Variants in RAB3GAP1 observed in about 807,000 individuals in gnomAD.
The protein encoded by RAB3GAP1 is RAB3 GTPase activating protein catalytic subunit 1, also known as rab3 GTPase-activating protein catalytic subunit.
Under a neutral mutation model 130.7 loss-of-function variants are expected in RAB3GAP1, and 86 were observed. That is an observed-to-expected ratio of 0.66 (90% CI 0.55 to 0.79). The LOEUF is 0.79. Among genes scored for constraint, RAB3GAP1 ranks in the 30% least tolerant of loss-of-function variants. The probability of loss-of-function intolerance (pLI) is 0.00; values close to 1 mark genes in which losing one functional copy is unlikely to be tolerated. For synonymous variants in RAB3GAP1, 367 were observed against 401.7 expected (o/e 0.91, Z 1.03); for missense variants, 1,029 against 1,169.4 (o/e 0.88, Z 1.75).
intron 5 of RAB3GAP1, among the ~76,000 whole-genome samples, chr2:135,110,749 A>T (rs896455616): frequency 2.0e-5 from 3 of 152,238 alleles, no homozygotes; most frequent in Non-Finnish European, 4.4e-5. Context: ...GCAGCAGCAT[A>T]AAACTGGAAA....
chr2:135,167,559 T>C (rs1692692079), intron 23 of RAB3GAP1: 2 of 723,360 alleles, frequency 2.8e-6, no homozygotes, highest in Non-Finnish European at 4.5e-6. Flanking sequence ...TTGAATATTC[T>C]TTTGATAGGA....
Position 135,117,546 on chromosome 2 carries a change from T to TCTTCTTCTGCTG in RAB3GAP1, c.648+2173_648+2174insGCTGCTTCTTCT, listed in dbSNP as rs1558784318. Among the ~76,000 whole-genome samples, 910 of 103,780 alleles carry TCTTCTTCTGCTG rather than the reference T, an allele frequency of 8.8e-3. 24 individuals carry two copies. The highest frequency in any genetic ancestry group is 0.037 in the African/African-American group (843 of 22,562). 68.1% of individuals were successfully genotyped at this position (103,780 alleles called of 152,430 possible). On this transcript the variant is annotated intron_variant, in intron 7 of 23. Coordinates refer to ENST00000264158, the MANE Select transcript of RAB3GAP1 (RefSeq NM_012233.3). ...TGCTTCTTCTGCTTCTTCTTCTGCTTCTTCTTCTTCTGCTTCTTCTTCTGC... is the reference window on the plus strand; with the variant it reads ...TGCTTCTTCTGCTTCTTCTTCTGCTTCTTCTTCTGCTGCTTCTTCTTCTGCTTCTTCTTCTGC...
downstream of RAB3GAP1, among the ~76,000 whole-genome samples, chr2:135,174,288 T>TG (rs151112269): frequency 1 from 152,273 of 152,276 alleles, 76,135 homozygotes; most frequent in Non-Finnish European, 1. Context: ...CCCTCAGGGT[T>TG]GGGCCCTGCC....
chr2:135,089,348 T>G (rs1432477246), intron 3 of RAB3GAP1, among the ~76,000 whole-genome samples: 1 of 152,106 alleles, frequency 6.6e-6, no homozygotes, highest in Non-Finnish European at 1.5e-5. Flanking sequence ...TTGTTCTTTT[T>G]GCTTAGGATT....
chr2:135,122,102 A>G (rs1691217740), intron 8 of RAB3GAP1, among the ~76,000 whole-genome samples: 1 of 152,144 alleles, frequency 6.6e-6, no homozygotes, highest in Non-Finnish European at 1.5e-5. Flanking sequence ...CAAAAAAAAA[A>G]GAAAAAAAAT....
intron 3 of RAB3GAP1, among the ~76,000 whole-genome samples, chr2:135,064,757 T>TG (rs1689269523): frequency 6.8e-6 from 1 of 146,930 alleles, no homozygotes; most frequent in African/African-American, 2.5e-5. Context: ...GGTGTTTTGT[T>TG]TTTTTTTTTT....
chr2:135,135,430 G>C, intron 16 of RAB3GAP1, 111 bp downstream of exon 16: 9 of 1,428,520 alleles, frequency 6.3e-6, no homozygotes, highest in Non-Finnish European at 8.8e-6. Flanking sequence ...GCTGTAGGTT[G>C]CCTATAGTCA....
chr2:135,129,254 C>A (rs1240617688), intron 11 of RAB3GAP1, among the ~76,000 whole-genome samples: 3 of 151,902 alleles, frequency 2.0e-5, no homozygotes, highest in Non-Finnish European at 4.4e-5. Context: ...AGATCGAGAC[C>A]ATCCTGGCTA....
At chr2:135,071,326 G>A (rs184748906) in intron 3 of RAB3GAP1, among the ~76,000 whole-genome samples, 27 of 152,196 alleles carry the variant, frequency 1.8e-4, no homozygotes, top group African/African-American at 6.5e-4. Context: ...CCTAATCAGT[G>A]GAAAGCAGTT....
rs761440730 is a variant in RAB3GAP1 at position 135,120,935 on chromosome 2, C to T, written c.748+17C>T. 24 of 1,468,818 alleles carry T rather than the reference C, an allele frequency of 1.6e-5. No individual in the cohort carries two copies. The Admixed American group carries it at 2.5e-4, about 15-fold the overall frequency. 91.0% of individuals were successfully genotyped at this position (1,468,818 alleles called of 1,614,324 possible). On this transcript the variant is annotated intron_variant, in intron 8 of 23. Coordinates refer to ENST00000264158, the MANE Select transcript of RAB3GAP1 (RefSeq NM_012233.3). ...AACCTCCAGGTGAGATCATTTAGAA[C>T]TATATTTAACTTACTGAATATAAAT...
At chr2:135,175,899 T>G (rs1332470130) in intron 24 of RAB3GAP1, among the ~76,000 whole-genome samples, 1 of 152,160 alleles carries the variant, frequency 6.6e-6, no homozygotes, top group Non-Finnish European at 1.5e-5. Context: ...GAACCTTTAT[T>G]GAAAAAGAAT....
chr2:135,082,235 C>T (rs6728452), intron 3 of RAB3GAP1, among the ~76,000 whole-genome samples: 14,085 of 151,944 alleles, frequency 0.093, 901 homozygotes, highest in South Asian at 0.24. Context: ...GCATATAATT[C>T]AGTGGTCTTT....
chr2:135,148,723 G>T (rs1692080236), intron 17 of RAB3GAP1, among the ~76,000 whole-genome samples: 1 of 146,332 alleles, frequency 6.8e-6, no homozygotes, highest in African/African-American at 2.6e-5. Flanking sequence ...TGTTGGCCAG[G>T]CTGGGCTCGA....
At chr2:135,101,634 A>G (rs1690451373) in intron 5 of RAB3GAP1, among the ~76,000 whole-genome samples, 1 of 152,230 alleles carries the variant, frequency 6.6e-6, no homozygotes, top group Non-Finnish European at 1.5e-5. Context: ...GATTAGCTCC[A>G]AGCCTGTTTA....
chr2:135,132,476 C>G lies in RAB3GAP1; in HGVS notation c.1237-419C>G, dbSNP rs1225107735. 3.9e-5 allele frequency among the ~76,000 whole-genome samples: 6 copies of G among 152,146 alleles called. No homozygotes were observed. The East Asian group carries it at 9.6e-4, about 24-fold the overall frequency. On this transcript the variant is annotated intron_variant, in intron 13 of 23. Coordinates refer to ENST00000264158, the MANE Select transcript of RAB3GAP1 (RefSeq NM_012233.3). ...TCTCTTAGTAGTCTATATATGAAAG[C>G]CTGTGGATGATGTAACTCTTCAGAT...
At chr2:135,160,778 T>C (rs1421272845) in intron 19 of RAB3GAP1, among the ~76,000 whole-genome samples, 2 of 151,946 alleles carry the variant, frequency 1.3e-5, no homozygotes, top group Non-Finnish European at 2.9e-5. Context: ...AGTGTTAAAT[T>C]TATTGTATAT....
chr2:135,087,176 A>G (rs1047649549), intron 3 of RAB3GAP1, among the ~76,000 whole-genome samples: 4 of 152,182 alleles, frequency 2.6e-5, no homozygotes, highest in African/African-American at 9.7e-5. Context: ...TGAAAAGACT[A>G]TTATTTCCCC....
chr2:135,100,696 C>G (rs750007368), intron 5 of RAB3GAP1, among the ~76,000 whole-genome samples: 1 of 152,146 alleles, frequency 6.6e-6, no homozygotes, highest in Non-Finnish European at 1.5e-5. Context: ...TTTTATTCAA[C>G]AAATATAATT....
At chr2:135,106,335 C>G (rs895068287) in intron 5 of RAB3GAP1, among the ~76,000 whole-genome samples, 1 of 152,118 alleles carries the variant, frequency 6.6e-6, no homozygotes, top group African/African-American at 2.4e-5. Context: ...TGTGGGGAAA[C>G]GATAGAGAAA....
Sources: gnomAD v4.1 joint callset for allele counts (sites outside exome capture counted in the v4.1 genomes callset) on GRCh38, gnomAD v4.1.1 for gene constraint, MANE v1.5 for transcripts, NCBI Gene and HGNC (gene_info 2026-07-23, HGNC 2026-07-21) for gene names.